The following RTL4 variants were observed in gnomAD, a reference collection of about 807,000 sequenced individuals.
RTL4 encodes retrotransposon Gag-like protein 4.
Under a neutral mutation model 5.3 loss-of-function variants are expected in RTL4, and 4 were observed. The observed-to-expected ratio is 0.75, with a 90% CI of 0.37 to 1.72. The LOEUF is 1.72. RTL4 is among the 40% of genes most tolerant of loss of function. RTL4 has a pLI of 0.04. For missense variants in RTL4, 260 were observed against 227.1 expected, an observed-to-expected ratio of 1.14 and a Z score of -0.93; for synonymous variants, 98 against 87.3, an observed-to-expected ratio of 1.12 and a Z score of -0.68.
At chrX:112,333,083 GGT>G in the RTL4 span, among the ~76,000 whole-genome samples, 43 of 104,200 alleles carry the variant, frequency 4.1e-4, no homozygotes, top group Admixed American at 7.3e-4. Context: ...CTCCTTCAAT[GGT>G]GTGTGTGTGT....
At chrX:112,343,921 G>T in the RTL4 span, among the ~76,000 whole-genome samples, 1 of 111,410 alleles carries the variant, frequency 9.0e-6, no homozygotes, top group African/African-American at 3.3e-5. Context: ...GATTCTCTTT[G>T]AATTCTTAAA....
At chrX:112,202,652 C>T in the RTL4 span, among the ~76,000 whole-genome samples, 6 of 108,354 alleles carry the variant, frequency 5.5e-5, no homozygotes, top group African/African-American at 1.7e-4. Flanking sequence ...CCTCCGCCTC[C>T]TGGGTTCAAG....
chrX:112,406,764 G>C, the RTL4 span, among the ~76,000 whole-genome samples: 6 of 110,315 alleles, frequency 5.4e-5, no homozygotes. Flanking sequence ...CTTGAGGAGA[G>C]GAGAGGACAG....
the RTL4 span, chrX:112,320,232 T>C: frequency 1.8e-5 from 2 of 112,216 alleles, no homozygotes; most frequent in East Asian, 5.6e-4. Context: ...GTTAAGCCTC[T>C]TGTGTTTCCT....
At chrX:112,248,043 G>A in the RTL4 span, among the ~76,000 whole-genome samples, 2 of 112,393 alleles carry the variant, frequency 1.8e-5, no homozygotes, top group Admixed American at 9.4e-5. Context: ...AAACCTTTGA[G>A]TTTTTAGACA....
At chrX:112,253,762 T>C in the RTL4 span, among the ~76,000 whole-genome samples, 1 of 112,454 alleles carries the variant, frequency 8.9e-6, no homozygotes, top group Non-Finnish European at 1.9e-5. Flanking sequence ...TCTTAGCCCC[T>C]GTTCTAGGTT....
At chrX:112,398,994 C>T in the RTL4 span, among the ~76,000 whole-genome samples, 2 of 112,241 alleles carry the variant, frequency 1.8e-5, no homozygotes, top group Non-Finnish European at 3.8e-5. Flanking sequence ...TAAATAATGA[C>T]AGGCTATTGA....
At chrX:112,112,638 C>T in the RTL4 span, among the ~76,000 whole-genome samples, 1 of 111,673 alleles carries the variant, frequency 9.0e-6, no homozygotes, top group Admixed American at 9.5e-5. Flanking sequence ...ATCTAGAGTA[C>T]CCTGCCAGCA....
the RTL4 span, among the ~76,000 whole-genome samples, chrX:112,393,161 G>GTTTTTTTTTTTTTTTT: frequency 9.8e-5 from 7 of 71,311 alleles, no homozygotes; most frequent in African/African-American, 1.0e-4. Context: ...TTTTTTTTTT[G>GTTTTTTTTTTTTTTTT]TTTTTTTTTT....
At chrX:112,142,284 G>A in the RTL4 span, among the ~76,000 whole-genome samples, 1 of 112,582 alleles carries the variant, frequency 8.9e-6, no homozygotes, top group Non-Finnish European at 1.9e-5. Context: ...GGATAGGGCA[G>A]ACTACATTGC....
the RTL4 span, among the ~76,000 whole-genome samples, chrX:112,288,522 G>T: frequency 1.8e-5 from 2 of 111,980 alleles, no homozygotes; most frequent in African/African-American, 6.5e-5. Context: ...TAAATCCATA[G>T]CAAAGGTTGT....
At chrX:112,393,526 T>A in the RTL4 span, among the ~76,000 whole-genome samples, 1 of 111,845 alleles carries the variant, frequency 8.9e-6, no homozygotes, top group Non-Finnish European at 1.9e-5. Context: ...GAGATCCCAA[T>A]TGGGAGGTCC....
chrX:112,160,215 C>T, the RTL4 span, among the ~76,000 whole-genome samples: 1 of 111,842 alleles, frequency 8.9e-6, no homozygotes, highest in Non-Finnish European at 1.9e-5. Context: ...TTGGTATTTG[C>T]GGAGTTGACA....
At chrX:112,087,549 A>G in the RTL4 span, among the ~76,000 whole-genome samples, 3 of 111,120 alleles carry the variant, frequency 2.7e-5, no homozygotes, top group East Asian at 8.6e-4. Context: ...ATTGTGAAGG[A>G]GTAGTTGGTG....
chrX:112,218,604 T>G, the RTL4 span, among the ~76,000 whole-genome samples: 1 of 112,018 alleles, frequency 8.9e-6, no homozygotes, highest in Admixed American at 9.5e-5. Flanking sequence ...CCCCCTACCA[T>G]ACTCTCATAC....
chrX:112,212,013 C>G, the RTL4 span, among the ~76,000 whole-genome samples: 1 of 112,172 alleles, frequency 8.9e-6, no homozygotes, highest in Non-Finnish European at 1.9e-5. Context: ...CTTTCTTATC[C>G]TAAAATTATC....
chrX:112,328,942 G>T, the RTL4 span, among the ~76,000 whole-genome samples: 5 of 111,750 alleles, frequency 4.5e-5, no homozygotes, highest in Non-Finnish European at 9.4e-5. Flanking sequence ...CAAAAATAAA[G>T]ATGTTCTTTG....
At chrX:112,411,956 T>C in the RTL4 span, among the ~76,000 whole-genome samples, 1 of 111,128 alleles carries the variant, frequency 9.0e-6, no homozygotes, top group African/African-American at 3.3e-5. Context: ...TGTAAAAACC[T>C]AAAGACTCCA....
chrX:112,231,627 C>T, the RTL4 span, among the ~76,000 whole-genome samples: 24,727 of 104,645 alleles, frequency 0.24, 2,960 homozygotes, highest in African/African-American at 0.44. Context: ...TGCTAAATGA[C>T]GAGTTAATGG....
Sources: gnomAD v4.1 joint callset for allele counts (sites outside exome capture counted in the v4.1 genomes callset) on GRCh38, gnomAD v4.1.1 for gene constraint, MANE v1.5 for transcripts, NCBI Gene and HGNC (gene_info 2026-07-23, HGNC 2026-07-21) for gene names.